Variants in COPG2 observed in about 807,000 individuals in gnomAD.
COPG2 encodes coat protein complex I subunit gamma 2, also known as coatomer subunit gamma-2.
COPG2 carries 37 observed loss-of-function variants against 46.3 expected under a neutral mutation model. The observed-to-expected ratio is 0.80, with a 90% confidence interval of 0.61 to 1.05. The LOEUF (loss-of-function observed/expected upper bound fraction) is 1.05, where lower values mean the gene tolerates loss of function less well. Ranked by LOEUF, COPG2 falls within the 50% of genes least tolerant of loss-of-function variation. The probability of loss-of-function intolerance (pLI) is 0.00; values close to 1 mark genes in which losing one functional copy is unlikely to be tolerated. For missense variants in COPG2, 427 were observed against 387.8 expected, an observed-to-expected ratio of 1.10 and a Z score of -0.85; for synonymous variants, 159 against 129.7, an observed-to-expected ratio of 1.23 and a Z score of -1.53.
rs1355009352 is a variant in COPG2 at position 130,582,564 on chromosome 7, T to A, written c.738-18171A>T. Among the ~76,000 whole-genome samples the A allele has an allele frequency of 2.6e-5, 4 of 151,442 alleles. No homozygotes were observed. In the East Asian group the frequency reaches 7.7e-4, roughly 29 times the overall value. ...CTACCATCAGAGTGAACAGGCAACC[T>A]ACAAAATGGGAGAAAATTTTTGCAA... On this transcript the variant is annotated intron_variant, in intron 9 of 23. Transcript: ENST00000425248.
chr7:130,576,757 A>T (rs1449346483), intron 9 of COPG2, among the ~76,000 whole-genome samples: 1 of 152,192 alleles, frequency 6.6e-6, no homozygotes, highest in Non-Finnish European at 1.5e-5. Context: ...AATAACTAAG[A>T]TCAGAGCAAA....
At chr7:130,551,435 T>A in intron 15 of COPG2, 91 bp from the exon 16 acceptor site, 1 of 395,234 alleles carries the variant, frequency 2.5e-6, no homozygotes, top group East Asian at 3.6e-5. Context: ...GCTCAGGTCG[T>A]CATCTGATAC....
intron 7 of COPG2, 134 bp downstream of exon 7, chr7:130,613,410 A>G (rs1794891437): frequency 1.6e-6 from 1 of 634,200 alleles, no homozygotes; most frequent in East Asian, 2.8e-5. Flanking sequence ...TAGATAAAAC[A>G]CACTTGGATA....
chr7:130,522,759 G>C (rs1799734618), intron 20 of COPG2, among the ~76,000 whole-genome samples: 1 of 151,996 alleles, frequency 6.6e-6, no homozygotes, highest in African/African-American at 2.4e-5. Context: ...AGTATAAAAA[G>C]CACATGAAAG....
rs1033698483 is a variant in COPG2, at chr7:130,530,606, C to T, written c.2149+17068G>A. ...GACTGAGCCCGATGAAGCAATAGGC[C>T]CTGGGTGGTTGAGAGAAATATGGGC... On this transcript the variant is annotated intron_variant, in intron 20 of 23. Coordinates refer to ENST00000425248, the MANE Select transcript of COPG2 (RefSeq NM_012133.6). Among the ~76,000 whole-genome samples the T allele has an allele frequency of 8.5e-5, 13 of 152,146 alleles. No individual in the cohort carries two copies. The South Asian group carries it at 2.5e-3, about 29-fold the overall frequency.
chr7:130,614,418 C>T (rs1794910993), intron 6 of COPG2, among the ~76,000 whole-genome samples: 1 of 152,170 alleles, frequency 6.6e-6, no homozygotes. Flanking sequence ...TCCTGCTCAA[C>T]CTTTACAACT....
At chr7:130,549,180 T>C (rs897190533) in intron 18 of COPG2, 134 bp downstream of exon 18, 37 of 396,236 alleles carry the variant, frequency 9.3e-5, no homozygotes, top group African/African-American at 7.4e-4. Flanking sequence ...CCTCAGCAAC[T>C]ATACCCTATG....
At chr7:130,640,287 T>C (rs536341480) in intron 5 of COPG2, among the ~76,000 whole-genome samples, 6 of 150,068 alleles carry the variant, frequency 4.0e-5, no homozygotes, top group Non-Finnish European at 7.4e-5. Context: ...AAACTCAAGG[T>C]ATAAAGATGA....
chr7:130,601,549 AAACT>A (rs1382462749), intron 9 of COPG2, among the ~76,000 whole-genome samples: 1 of 152,170 alleles, frequency 6.6e-6, no homozygotes, highest in Admixed American at 6.5e-5. Context: ...CATTCTCAAC[AAACT>A]AACACAAGAA....
intron 4 of COPG2, among the ~76,000 whole-genome samples, chr7:130,659,684 C>T (rs1285340588): frequency 6.6e-6 from 1 of 152,054 alleles, no homozygotes; most frequent in Non-Finnish European, 1.5e-5. Flanking sequence ...GAGGCCAAGG[C>T]GGGCAGATAA....
At position 130,563,264 on chromosome 7, in the gene COPG2, C is replaced by G. The variant is rs1028570044; in HGVS notation, c.939+5G>C. 7.5e-6 allele frequency: 3 copies of G among 397,936 alleles called. No individual in the cohort carries two copies. The highest frequency in any genetic ancestry group is 1.3e-5 in the Non-Finnish European group (3 of 225,844). 24.7% of individuals were successfully genotyped at this position (397,936 alleles called of 1,614,324 possible). On this transcript the variant is annotated splice_donor_5th_base_variant and intron_variant, in intron 11 of 23. Transcript: ENST00000425248. Reference sequence around the variant, plus strand: ...TAAGTCAATAATTAGCAAAGAAACACCTACCTTGTTCAAGGTCCTCACAGC... The same window carrying G: ...TAAGTCAATAATTAGCAAAGAAACAGCTACCTTGTTCAAGGTCCTCACAGC...
At position 130,506,474 on chromosome 7, in the gene COPG2, T is replaced by G; in HGVS notation, c.*202A>C. 1 of 363,300 alleles carries G rather than the reference T, an allele frequency of 2.8e-6. No individual in the cohort carries two copies. Among genetic ancestry groups the G allele is most frequent in the Non-Finnish European group, 4.9e-6 (1 of 205,330 alleles). 22.5% of individuals were successfully genotyped at this position (363,300 alleles called of 1,614,324 possible). A position where few individuals can be genotyped will look rare whatever the true frequency, so the allele number is the denominator to read the frequency against. On this transcript the variant is annotated 3_prime_UTR_variant, in exon 24 of 24. Coordinates refer to ENST00000425248, the MANE Select transcript of COPG2 (RefSeq NM_012133.6). Reference sequence around the variant, plus strand: ...CACTATCGTCCCAAAGCTGACCAAGTAGAATAAAAAGAAAAAAAAAAAAAA... The same window carrying G: ...CACTATCGTCCCAAAGCTGACCAAGGAGAATAAAAAGAAAAAAAAAAAAAA...
At chr7:130,647,887 C>G (rs1311334567) in intron 5 of COPG2, among the ~76,000 whole-genome samples, 2 of 151,894 alleles carry the variant, frequency 1.3e-5, no homozygotes. Context: ...CCTGCCACCA[C>G]GCCCAGCTAA....
At chr7:130,587,255 C>T (rs1014643090) in intron 9 of COPG2, among the ~76,000 whole-genome samples, 2 of 151,596 alleles carry the variant, frequency 1.3e-5, no homozygotes, top group African/African-American at 2.4e-5. Flanking sequence ...TACAGTGAGC[C>T]GAGATGGCAC....
chr7:130,525,606 T>G (rs1479884761), intron 20 of COPG2, among the ~76,000 whole-genome samples: 1 of 152,298 alleles, frequency 6.6e-6, no homozygotes, highest in East Asian at 1.9e-4. Context: ...AATCTGAGCT[T>G]CTGCTGTCAC....
At chr7:130,655,221 C>T (rs868986575) in intron 4 of COPG2, among the ~76,000 whole-genome samples, 6 of 151,756 alleles carry the variant, frequency 4.0e-5, no homozygotes, top group Middle Eastern at 3.4e-3. Context: ...TCTATTCTGT[C>T]GTGAGGGAAG....
intron 20 of COPG2, among the ~76,000 whole-genome samples, chr7:130,525,580 T>C (rs1799765652): frequency 6.6e-6 from 1 of 152,130 alleles, no homozygotes; most frequent in African/African-American, 2.4e-5. Context: ...GAGGAAGCAA[T>C]TCAGAATGAT....
intron 5 of COPG2, 57 bp from the exon 6 acceptor site, chr7:130,617,122 C>T: frequency 9.8e-7 from 1 of 1,018,186 alleles, no homozygotes; most frequent in Non-Finnish European, 1.5e-6. Context: ...CCATGGAGTT[C>T]ACCCCTAGCC....
chr7:130,590,894 G>T (rs1285731245), intron 9 of COPG2, among the ~76,000 whole-genome samples: 3 of 150,668 alleles, frequency 2.0e-5, no homozygotes, highest in African/African-American at 7.4e-5. Flanking sequence ...GAGACCCTCT[G>T]CCTGGCAACC....
Sources: gnomAD v4.1 joint callset for allele counts (sites outside exome capture counted in the v4.1 genomes callset) on GRCh38, gnomAD v4.1.1 for gene constraint, MANE v1.5 for transcripts, NCBI Gene and HGNC (gene_info 2026-07-23, HGNC 2026-07-21) for gene names.